TENM4: variants seen among roughly 807,000 people sequenced by gnomAD.
The protein encoded by TENM4 is teneurin transmembrane protein 4, also known as teneurin-4.
Under a neutral mutation model 243.3 loss-of-function variants are expected in TENM4, and 82 were observed. The ratio of observed to expected loss-of-function variants is 0.34; its 90% confidence interval spans 0.28 to 0.40. The LOEUF (loss-of-function observed/expected upper bound fraction) is 0.40. TENM4 is among the 10% of genes least tolerant of loss of function. The pLI is 1.00. For synonymous variants in TENM4, 1,412 were observed against 1,456.3 expected (o/e 0.97, Z 0.69); for missense variants, 3,138 against 3,673.3 (o/e 0.85, Z 3.77).
At chr11:79,041,024 A>T (rs1859510016) in intron 6 of TENM4, among the ~76,000 whole-genome samples, 2 of 151,756 alleles carry the variant, frequency 1.3e-5, no homozygotes, top group Non-Finnish European at 2.9e-5. Context: ...CGGGAGTTAG[A>T]AGAATTTAAG....
rs1254230369 is a variant in TENM4, at chr11:78,701,624, C to T, written c.4989G>A (p.Val1663=). 3.1e-6 allele frequency: 5 copies of T among 1,613,290 alleles called. No homozygotes were observed. The East Asian group carries it at 8.9e-5, about 29-fold the overall frequency. ...TMGTNSALKS[V]TTQGHELAMM... is the part of the protein sequence containing the mutation. Reference sequence around the variant, plus strand: ...TGGCCAACTCGTGTCCTTGTGTGGTCACACTCTTGAGTGCACTGTTGGTGC... The same window carrying T: ...TGGCCAACTCGTGTCCTTGTGTGGTTACACTCTTGAGTGCACTGTTGGTGC... Residue 1663 remains valine (V), a synonymous_variant, in exon 28 of 34, where the codon GTG becomes GTA. Coordinates refer to ENST00000278550, the MANE Select transcript of TENM4 (RefSeq NM_001098816.3).
chr11:78,844,908 CT>C (rs1217697783), intron 12 of TENM4, among the ~76,000 whole-genome samples: 1 of 152,184 alleles, frequency 6.6e-6, no homozygotes. Flanking sequence ...TTTATTTCTT[CT>C]TTTTAGGGTG....
chr11:78,690,194 G>A (rs1236672764), intron 28 of TENM4, among the ~76,000 whole-genome samples: 1 of 152,224 alleles, frequency 6.6e-6, no homozygotes, highest in Non-Finnish European at 1.5e-5. Context: ...GCAGAGCTAA[G>A]TGAGCAGTAG....
At chr11:79,114,131 C>T (rs532995771) in intron 4 of TENM4, among the ~76,000 whole-genome samples, 1 of 152,296 alleles carries the variant, frequency 6.6e-6, no homozygotes, top group South Asian at 2.1e-4. Context: ...CACCAATTCA[C>T]TCTATGAGCT....
intron 2 of TENM4, among the ~76,000 whole-genome samples, chr11:79,283,270 C>T (rs1405118923): frequency 6.7e-6 from 1 of 149,936 alleles, no homozygotes; most frequent in Non-Finnish European, 1.5e-5. Context: ...GAATATCTCC[C>T]AAAAATAGAA....
intron 9 of TENM4, among the ~76,000 whole-genome samples, chr11:78,869,316 T>A (rs1859065087): frequency 6.6e-6 from 1 of 152,242 alleles, no homozygotes; most frequent in African/African-American, 2.4e-5. Flanking sequence ...AAATTGCATG[T>A]GTTTCCTGAC....
chr11:78,852,807 T>C (rs557010301), intron 12 of TENM4, among the ~76,000 whole-genome samples: 49 of 152,268 alleles, frequency 3.2e-4, no homozygotes, highest in African/African-American at 1.2e-3. Context: ...TGGAGTGCAG[T>C]AGTATGATCA....
At chr11:79,125,769 A>G (rs1398697749) in intron 4 of TENM4, among the ~76,000 whole-genome samples, 1 of 152,152 alleles carries the variant, frequency 6.6e-6, no homozygotes, top group African/African-American at 2.4e-5. Context: ...CCCCTGAGGC[A>G]GTTGCCAGGC....
chr11:78,822,394 G>T (rs181686524), intron 12 of TENM4, among the ~76,000 whole-genome samples: 19 of 152,342 alleles, frequency 1.2e-4, no homozygotes, highest in African/African-American at 4.6e-4. Flanking sequence ...AAGTGTTCCA[G>T]TGAAGTGGAT....
intron 4 of TENM4, among the ~76,000 whole-genome samples, chr11:79,085,130 T>C (rs572133029): frequency 7.0e-4 from 107 of 152,100 alleles, no homozygotes; most frequent in Non-Finnish European, 1.2e-3. Context: ...CCCAGCACTT[T>C]GGGAGGCCAA....
At chr11:79,376,334 T>C (rs1194293834) in intron 1 of TENM4, among the ~76,000 whole-genome samples, 1 of 152,230 alleles carries the variant, frequency 6.6e-6, no homozygotes, top group African/African-American at 2.4e-5. Flanking sequence ...TGTCTCAGCC[T>C]GAAAATGAAC....
chr11:78,769,825 C>T (rs538118574), intron 18 of TENM4, among the ~76,000 whole-genome samples: 12 of 152,302 alleles, frequency 7.9e-5, no homozygotes, highest in East Asian at 3.9e-4. Context: ...AACAGTGCTC[C>T]GAAACAGCCC....
intron 6 of TENM4, among the ~76,000 whole-genome samples, chr11:78,943,276 A>C (rs752206343): frequency 6.6e-6 from 1 of 152,204 alleles, no homozygotes. Context: ...GTCCTAAAGG[A>C]AGTATGTTCT....
intron 3 of TENM4, among the ~76,000 whole-genome samples, chr11:79,209,570 T>C (rs1441224863): frequency 1.3e-5 from 2 of 152,154 alleles, no homozygotes; most frequent in African/African-American, 4.8e-5. Flanking sequence ...TGGAAGACAA[T>C]GGTGGTATGG....
chr11:78,844,778 C>G (rs1461513050), intron 12 of TENM4, among the ~76,000 whole-genome samples: 1 of 152,180 alleles, frequency 6.6e-6, no homozygotes, highest in Non-Finnish European at 1.5e-5. Context: ...CAGAAACCAA[C>G]CCTGCCAGTA....
intron 18 of TENM4, among the ~76,000 whole-genome samples, chr11:78,762,446 G>A (rs1008052223): frequency 4.6e-5 from 7 of 152,180 alleles, no homozygotes; most frequent in Admixed American, 6.5e-5. Context: ...GGTAGTAGAG[G>A]CCTCTGGGGA....
intron 1 of TENM4, among the ~76,000 whole-genome samples, chr11:79,433,637 T>C: frequency 6.6e-6 from 1 of 152,302 alleles, no homozygotes; most frequent in East Asian, 1.9e-4. Context: ...TTTGCACTAT[T>C]GGGTGAGGCT....
intron 32 of TENM4, among the ~76,000 whole-genome samples, chr11:78,664,479 C>A (rs1323367283): frequency 6.6e-6 from 1 of 152,140 alleles, no homozygotes; most frequent in Non-Finnish European, 1.5e-5. Flanking sequence ...CCTGTCTTGG[C>A]CTTCCAAAGT....
At chr11:79,035,706 A>G (rs1859359045) in intron 6 of TENM4, among the ~76,000 whole-genome samples, 1 of 152,148 alleles carries the variant, frequency 6.6e-6, no homozygotes, top group Non-Finnish European at 1.5e-5. Flanking sequence ...TTAAACTTAC[A>G]TTTACCCAAA....
Sources: allele counts gnomAD v4.1 joint callset (sites outside exome capture counted in the v4.1 genomes callset), GRCh38; gene constraint gnomAD v4.1.1; transcripts MANE v1.5; gene names NCBI Gene and HGNC (gene_info 2026-07-23, HGNC 2026-07-21).